Variants in UBAP1 observed in about 807,000 individuals in gnomAD.
UBAP1 encodes the protein ubiquitin associated protein 1.
In UBAP1, 5 loss-of-function variants were observed where a neutral mutation model predicts 39.0. The ratio of observed to expected loss-of-function variants is 0.13; its 90% CI spans 0.07 to 0.27. UBAP1 has a LOEUF of 0.27. Among genes scored for constraint, UBAP1 ranks in the 10% least tolerant of loss-of-function variants. UBAP1 has a pLI of 1.00. For synonymous variants in UBAP1, 211 were observed against 225.1 expected, an observed-to-expected ratio of 0.94 and a Z score of 0.56; for missense variants, 490 against 608.1, an observed-to-expected ratio of 0.81 and a Z score of 2.04.
intron 1 of UBAP1, among the ~76,000 whole-genome samples, chr9:34,196,664 T>G (rs1831077797): frequency 6.6e-6 from 1 of 151,724 alleles, no homozygotes; most frequent in South Asian, 2.1e-4. Context: ...TGGCTGATCC[T>G]GAACTTTTGG....
intron 1 of UBAP1, among the ~76,000 whole-genome samples, chr9:34,203,081 T>C (rs1025420966): frequency 5.3e-5 from 8 of 152,314 alleles, no homozygotes; most frequent in Admixed American, 1.3e-4. Flanking sequence ...TTCTAAAAGT[T>C]TGCTACAGTC....
At chr9:34,230,170 TCTC>T (rs1196136137) in intron 2 of UBAP1, among the ~76,000 whole-genome samples, 2 of 151,890 alleles carry the variant, frequency 1.3e-5, no homozygotes, top group Non-Finnish European at 2.9e-5. Context: ...TTAAAGCAAT[TCTC>T]CTGCTTCAGC....
chr9:34,222,638 A>T (rs1005859398), intron 2 of UBAP1, among the ~76,000 whole-genome samples: 2 of 152,134 alleles, frequency 1.3e-5, no homozygotes, highest in East Asian at 3.9e-4. Context: ...CTACAAAAAA[A>T]TTTTAAAAAT....
chr9:34,247,386 TGTA>T (rs1379304339), intron 4 of UBAP1, among the ~76,000 whole-genome samples: 1 of 152,204 alleles, frequency 6.6e-6, no homozygotes, highest in African/African-American at 2.4e-5. Flanking sequence ...TAAAAAATAT[TGTA>T]GAGCATGTAC....
intron 5 of UBAP1, among the ~76,000 whole-genome samples, 182 bp from the exon 6 acceptor site, chr9:34,250,476 A>G (rs560230196): frequency 4.6e-4 from 70 of 152,278 alleles, no homozygotes; most frequent in African/African-American, 1.6e-3. Flanking sequence ...GCCTGTGTTC[A>G]TTAAAGAGTC....
chr9:34,229,765 C>T (rs1833309566), intron 2 of UBAP1, among the ~76,000 whole-genome samples: 1 of 152,168 alleles, frequency 6.6e-6, no homozygotes, highest in Non-Finnish European at 1.5e-5. Context: ...TCTCAATCTC[C>T]TGACCTCATG....
chr9:34,181,356 T>G (rs2131478067), intron 1 of UBAP1, among the ~76,000 whole-genome samples: 1 of 151,508 alleles, frequency 6.6e-6, no homozygotes, highest in Non-Finnish European at 1.5e-5. Flanking sequence ...GACCTCGTGA[T>G]CCACCCGTCT....
intron 1 of UBAP1, among the ~76,000 whole-genome samples, chr9:34,218,497 C>T (rs1270265282): frequency 7.9e-6 from 1 of 125,946 alleles, no homozygotes; most frequent in African/African-American, 2.8e-5. Context: ...CACTAATTTT[C>T]TGCATATGTC....
chr9:34,202,729 GTCAATCTTGTT>G (rs1357321646), intron 1 of UBAP1, among the ~76,000 whole-genome samples: 1 of 147,744 alleles, frequency 6.8e-6, no homozygotes, highest in African/African-American at 2.5e-5. Context: ...CCCAATAACT[GTCAATCTTGTT>G]TTATATACAT....
intron 1 of UBAP1, among the ~76,000 whole-genome samples, chr9:34,210,789 G>A (rs1323759740): frequency 6.6e-6 from 1 of 150,934 alleles, no homozygotes; most frequent in African/African-American, 2.4e-5. Flanking sequence ...TAGAGTGGTT[G>A]GAAATGTTTT....
At chr9:34,203,668 A>T (rs928872473) in intron 1 of UBAP1, among the ~76,000 whole-genome samples, 1 of 152,258 alleles carries the variant, frequency 6.6e-6, no homozygotes, top group African/African-American at 2.4e-5. Context: ...TATTTAATAG[A>T]ACTTTAAAGA....
intron 4 of UBAP1, among the ~76,000 whole-genome samples, chr9:34,248,138 C>T (rs1263814956): frequency 2.0e-5 from 3 of 151,766 alleles, no homozygotes; most frequent in Admixed American, 6.6e-5. Flanking sequence ...CGGGTTCAAG[C>T]GATTTTCCCA....
At chr9:34,223,802 G>A (rs950124217) in intron 2 of UBAP1, among the ~76,000 whole-genome samples, 19 of 152,156 alleles carry the variant, frequency 1.2e-4, no homozygotes, top group Non-Finnish European at 2.6e-4. Context: ...TAAAATTTAG[G>A]AGAAAAATTT....
Position 34,224,037 on chromosome 9 carries a change from C to G in UBAP1, c.34+3089C>G, listed in dbSNP as rs544122207. 3.9e-5 allele frequency: 21 copies of G among 537,344 alleles called. 1 individual carries two copies. Among genetic ancestry groups the G allele is most frequent in the African/African-American group, 2.9e-4 (15 of 51,612 alleles). 33.3% of individuals were successfully genotyped at this position (537,344 alleles called of 1,614,324 possible). Reference sequence around the variant, plus strand: ...CTAAGATAGAACTCCAACTCCTTCCCCTCTAGCACATAGCCGTCTGTTTGG... The same window carrying G: ...CTAAGATAGAACTCCAACTCCTTCCGCTCTAGCACATAGCCGTCTGTTTGG... On this transcript the variant is annotated intron_variant, in intron 2 of 6. Transcript: ENST00000297661.
chr9:34,242,099 T>C lies in UBAP1; in HGVS notation c.1074T>C (p.Thr358=), dbSNP rs1302147772. ...CAGAGGAATCATCACCTCCAAATACTGGTCCCACGGTAAGTCTTTTAAATC... is the reference window on the plus strand; with the variant it reads ...CAGAGGAATCATCACCTCCAAATACCGGTCCCACGGTAAGTCTTTTAAATC... The part of the protein sequence containing the change: ...VCTEESSPPN[T]GPTVTPPNFS... The change falls in exon 4 of 7, where the codon ACT becomes ACC. Residue 358 remains threonine (T), a synonymous_variant. Transcript: ENST00000297661. 1.9e-6 allele frequency: 3 copies of C among 1,592,382 alleles called. No homozygotes were observed. Among genetic ancestry groups the C allele is most frequent in the Non-Finnish European group, 2.6e-6 (3 of 1,163,312 alleles).
intron 1 of UBAP1, among the ~76,000 whole-genome samples, chr9:34,200,704 AC>A (rs998525019): frequency 5.9e-5 from 9 of 152,196 alleles, no homozygotes; most frequent in Non-Finnish European, 1.3e-4. Context: ...CTAGAGCATT[AC>A]CAATACATTA....
chr9:34,196,772 T>A (rs909571787), intron 1 of UBAP1, among the ~76,000 whole-genome samples: 1 of 152,080 alleles, frequency 6.6e-6, no homozygotes, highest in Non-Finnish European at 1.5e-5. Context: ...TGATTGAGTC[T>A]GCTGTTGAAA....
At position 34,195,919 on chromosome 9, in the gene UBAP1, A is replaced by T. The variant is rs535396538; in HGVS notation, c.-8+16679A>T. On this transcript the variant is annotated intron_variant, in intron 1 of 6. Coordinates refer to ENST00000297661, the MANE Select transcript of UBAP1 (RefSeq NM_016525.5). ...GCCAGTCCTTTGGATTTCTATACAA[A>T]TTTTTTGGTTTTTTTTTTTTTTTTT... 3.4e-4 allele frequency among the ~76,000 whole-genome samples: 27 copies of T among 78,860 alleles called. No individual in the cohort carries two copies. The East Asian group carries it at 0.013, about 38-fold the overall frequency. 51.7% of individuals were successfully genotyped at this position (78,860 alleles called of 152,430 possible).
In UBAP1 at chr9:34,186,184, AT is replaced by A. The variant is rs994397563; in HGVS notation, c.-8+6948del. On this transcript the variant is annotated intron_variant, in intron 1 of 6. Coordinates refer to ENST00000297661, the MANE Select transcript of UBAP1 (RefSeq NM_016525.5). The stretch of plus-strand genomic sequence containing the variant: ...CTGGAATGATAAATAGTTCATTAAA[AT>A]TTTAGTCACATTATGTCATCAGAAT... Among the ~76,000 whole-genome samples the A allele has an allele frequency of 5.9e-5, 9 of 152,334 alleles. 1 individual carries two copies. Among genetic ancestry groups the A allele is most frequent in the African/African-American group, 2.2e-4 (9 of 41,598 alleles).
Sources: gnomAD v4.1 joint callset for allele counts (sites outside exome capture counted in the v4.1 genomes callset) on GRCh38, gnomAD v4.1.1 for gene constraint, MANE v1.5 for transcripts, NCBI Gene and HGNC (gene_info 2026-07-23, HGNC 2026-07-21) for gene names.